Variants in SMOC2 observed in about 807,000 individuals in gnomAD.
SMOC2 encodes SPARC related modular calcium binding 2, also known as SPARC-related modular calcium-binding protein 2.
SMOC2 carries 39 observed loss-of-function variants against 61.4 expected under a neutral mutation model. The observed-to-expected ratio is 0.64, with a 90% CI of 0.49 to 0.83. The LOEUF (loss-of-function observed/expected upper bound fraction) is 0.83. Ranked by LOEUF, SMOC2 falls within the 40% of genes least tolerant of loss-of-function variation. The probability of loss-of-function intolerance (pLI) is 0.00; values close to 1 mark genes in which losing one functional copy is unlikely to be tolerated. For synonymous variants in SMOC2, 247 were observed against 239.9 expected, an observed-to-expected ratio of 1.03 and a Z score of -0.27; for missense variants, 556 against 592.9, an observed-to-expected ratio of 0.94 and a Z score of 0.65.
intron 1 of SMOC2, among the ~76,000 whole-genome samples, chr6:168,500,286 CAAAAAAAAAAA>C (rs72258550): frequency 1.0e-5 from 1 of 99,320 alleles, no homozygotes; most frequent in Non-Finnish European, 2.0e-5. Context: ...AACTCTGTCT[CAAAAAAAAAAA>C]AAAAAAAAGA....
intron 12 of SMOC2, among the ~76,000 whole-genome samples, chr6:168,665,611 T>C (rs1290460103): frequency 6.6e-6 from 1 of 152,268 alleles, no homozygotes; most frequent in Non-Finnish European, 1.5e-5. Context: ...AGAGCTGATA[T>C]TAAATAAGTT....
intron 7 of SMOC2, among the ~76,000 whole-genome samples, chr6:168,595,671 G>A (rs74507068): frequency 0.016 from 2,436 of 152,250 alleles, 83 homozygotes; most frequent in Admixed American, 0.072. Context: ...GGTTTATCAG[G>A]TAAAATTGCA....
At chr6:168,532,859 C>T (rs1783643190) in intron 4 of SMOC2, among the ~76,000 whole-genome samples, 1 of 152,190 alleles carries the variant, frequency 6.6e-6, no homozygotes, top group South Asian at 2.1e-4. Flanking sequence ...TACACTGCAG[C>T]CATCGGCCTG....
At chr6:168,653,329 G>A (rs1489649042) in intron 11 of SMOC2, 101 bp downstream of exon 11, 2 of 1,414,892 alleles carry the variant, frequency 1.4e-6, no homozygotes, top group East Asian at 4.6e-5. Context: ...TTATGGCCTG[G>A]GAGTGCAAAA....
intron 9 of SMOC2, among the ~76,000 whole-genome samples, chr6:168,630,194 G>T (rs1786530172): frequency 6.6e-6 from 1 of 152,182 alleles, no homozygotes; most frequent in Non-Finnish European, 1.5e-5. Context: ...CTCTTAGCTT[G>T]ATTTGATTCC....
intron 1 of SMOC2, among the ~76,000 whole-genome samples, chr6:168,489,785 G>T (rs1294021295): frequency 1.3e-5 from 2 of 150,860 alleles, no homozygotes; most frequent in Non-Finnish European, 2.9e-5. Context: ...CTGTTTTAGA[G>T]TGAAATATAT....
At chr6:168,518,273 C>T (rs1583073487) in intron 2 of SMOC2, among the ~76,000 whole-genome samples, 1 of 151,440 alleles carries the variant, frequency 6.6e-6, no homozygotes, top group East Asian at 2.0e-4. Context: ...GAAATCTGTG[C>T]GGGGGTGTGA....
rs112199205 is a variant in SMOC2, at chr6:168,527,494, C to T, written c.364-134C>T. On this transcript the variant is annotated intron_variant, in intron 3 of 12. Transcript: ENST00000356284. ...ACTTTCTTTACCGAGGACTCAAATG[C>T]AGCCACAGAAGTAGCTCTGGGTATC... 353 of 647,124 alleles carry T rather than the reference C, an allele frequency of 5.5e-4. 3 individuals are homozygous for T. The highest frequency in any genetic ancestry group is 4.8e-3 in the African/African-American group (268 of 55,432). 40.1% of individuals were successfully genotyped at this position (647,124 alleles called of 1,614,324 possible).
intron 8 of SMOC2, among the ~76,000 whole-genome samples, chr6:168,599,977 C>CCA (rs201910070): frequency 6.6e-6 from 1 of 151,214 alleles, no homozygotes; most frequent in Admixed American, 6.6e-5. Flanking sequence ...CATACTCTCC[C>CCA]CACACACACA....
intron 1 of SMOC2, among the ~76,000 whole-genome samples, chr6:168,507,784 CA>C (rs1014915123): frequency 6.6e-6 from 1 of 152,272 alleles, no homozygotes; most frequent in African/African-American, 2.4e-5. Context: ...TTAGCTAAAA[CA>C]AACCTGAATC....
At position 168,647,209 on chromosome 6, in the gene SMOC2, G is replaced by C. The variant is rs35642256; in HGVS notation, c.908-3472G>C. On this transcript the variant is annotated intron_variant, in intron 9 of 12. Coordinates refer to ENST00000356284, the MANE Select transcript of SMOC2 (RefSeq NM_001166412.2). ...AAAATAAAGGGTGACTGGGTACATC[G>C]CTGAGCCTGCATGCGGCAGTTTTGA... Among the ~76,000 whole-genome samples the C allele has an allele frequency of 1.8e-4, 27 of 152,298 alleles. No individual in the cohort carries two copies. The South Asian group carries it at 4.1e-3, about 23-fold the overall frequency.
At chr6:168,623,905 G>A (rs1350445249) in intron 9 of SMOC2, among the ~76,000 whole-genome samples, 1 of 152,186 alleles carries the variant, frequency 6.6e-6, no homozygotes, top group Non-Finnish European at 1.5e-5. Flanking sequence ...CTGTGGGGAT[G>A]GCAGAGGAAG....
At chr6:168,574,397 G>A (rs904264844) in intron 7 of SMOC2, among the ~76,000 whole-genome samples, 2 of 152,214 alleles carry the variant, frequency 1.3e-5, no homozygotes, top group African/African-American at 4.8e-5. Context: ...TGGAGAACAC[G>A]GCGCAGATCC....
At chr6:168,507,295 A>G (rs920768897) in intron 1 of SMOC2, among the ~76,000 whole-genome samples, 42 of 152,348 alleles carry the variant, frequency 2.8e-4, no homozygotes, top group Non-Finnish European at 4.1e-4. Context: ...CATCTACAGT[A>G]GGAGAAAGCT....
At chr6:168,653,457 G>A (rs1013382649) in intron 11 of SMOC2, among the ~76,000 whole-genome samples, 2 of 152,270 alleles carry the variant, frequency 1.3e-5, no homozygotes, top group Admixed American at 6.5e-5. Context: ...TGAACTGCGT[G>A]TTGGTTTGCA....
chr6:168,498,104 G>T (rs1782636730), intron 1 of SMOC2, among the ~76,000 whole-genome samples: 1 of 152,190 alleles, frequency 6.6e-6, no homozygotes, highest in East Asian at 1.9e-4. Context: ...TTTCCAGCAA[G>T]GATCTGCCTT....
chr6:168,471,261 C>T (rs542470769), intron 1 of SMOC2, among the ~76,000 whole-genome samples: 2 of 152,292 alleles, frequency 1.3e-5, no homozygotes, highest in South Asian at 4.2e-4. Flanking sequence ...CTGTCTCTAT[C>T]AGTTTGCTCC....
intron 7 of SMOC2, among the ~76,000 whole-genome samples, chr6:168,576,004 G>A (rs1475105316): frequency 6.7e-6 from 1 of 149,980 alleles, no homozygotes; most frequent in Non-Finnish European, 1.5e-5. Flanking sequence ...GGTGGCTGGG[G>A]TTAGAGGCAG....
At chr6:168,451,846 C>A (rs1000958823) in intron 1 of SMOC2, among the ~76,000 whole-genome samples, 2 of 152,166 alleles carry the variant, frequency 1.3e-5, no homozygotes. Flanking sequence ...AGAGATAAAA[C>A]CCAGGTGGAG....
Sources: allele counts gnomAD v4.1 joint callset (sites outside exome capture counted in the v4.1 genomes callset), GRCh38; gene constraint gnomAD v4.1.1; transcripts MANE v1.5; gene names NCBI Gene and HGNC (gene_info 2026-07-23, HGNC 2026-07-21).